The following IL1RAPL1 variants were observed in gnomAD, a reference collection of about 807,000 sequenced individuals.
IL1RAPL1 encodes interleukin 1 receptor accessory protein like 1, also known as interleukin-1 receptor accessory protein-like 1.
IL1RAPL1 carries 3 observed loss-of-function variants against 48.4 expected under a neutral mutation model. That is an observed-to-expected ratio of 0.06 (90% CI 0.03 to 0.16). IL1RAPL1 has a LOEUF of 0.16. Ranked by LOEUF, IL1RAPL1 falls within the 10% of genes least tolerant of loss-of-function variation. The pLI, the probability that IL1RAPL1 is intolerant of heterozygous loss-of-function variation, is 1.00. For missense variants in IL1RAPL1, 349 were observed against 530.6 expected (o/e 0.66, Z 3.36); for synonymous variants, 185 against 187.7 (o/e 0.99, Z 0.12).
intron 6 of IL1RAPL1, among the ~76,000 whole-genome samples, chrX:29,789,884 C>T (rs972391488): frequency 5.6e-5 from 6 of 107,836 alleles, no homozygotes; most frequent in African/African-American, 2.0e-4. Context: ...AGCATTTGAG[C>T]TTCTCAGATC....
intron 2 of IL1RAPL1, among the ~76,000 whole-genome samples, chrX:28,861,309 G>T (rs1337602385): frequency 2.7e-5 from 3 of 111,994 alleles, no homozygotes; most frequent in Non-Finnish European, 3.8e-5. Flanking sequence ...AGGGCAGGAA[G>T]CCTATTTAGT....
At chrX:29,790,126 CCTTT>C (rs1422503603) in intron 6 of IL1RAPL1, among the ~76,000 whole-genome samples, 2 of 111,044 alleles carry the variant, frequency 1.8e-5, no homozygotes, top group Non-Finnish European at 3.8e-5. Context: ...TTACTCGGTG[CCTTT>C]CTGTTTCTTT....
At chrX:29,545,559 T>G (rs1041506456) in intron 5 of IL1RAPL1, among the ~76,000 whole-genome samples, 32 of 111,813 alleles carry the variant, frequency 2.9e-4, no homozygotes, top group African/African-American at 9.8e-4. Context: ...GTTTTATATA[T>G]TTTGAACTTC....
chrX:28,876,961 G>C (rs952367259), intron 2 of IL1RAPL1, among the ~76,000 whole-genome samples: 20 of 111,939 alleles, frequency 1.8e-4, no homozygotes, highest in Non-Finnish European at 3.4e-4. Context: ...TCATATTTAA[G>C]GCAAGAGAAA....
chrX:29,579,631 C>T (rs766555279), intron 5 of IL1RAPL1, among the ~76,000 whole-genome samples: 38 of 111,900 alleles, frequency 3.4e-4, no homozygotes, highest in Admixed American at 6.6e-4. Flanking sequence ...ATGACCAATT[C>T]GATTTTTCTA....
At chrX:28,889,703 T>C (rs910224099) in intron 2 of IL1RAPL1, among the ~76,000 whole-genome samples, 2 of 111,529 alleles carry the variant, frequency 1.8e-5, no homozygotes, top group African/African-American at 6.5e-5. Context: ...TTGGCTTCAG[T>C]TTCTCCTACC....
intron 2 of IL1RAPL1, among the ~76,000 whole-genome samples, chrX:28,939,079 TTAG>T (rs750680963): frequency 1.1e-4 from 12 of 109,928 alleles, no homozygotes; most frequent in Admixed American, 2.9e-4. Context: ...TTACACACTG[TTAG>T]TAGGAATATA....
intron 2 of IL1RAPL1, among the ~76,000 whole-genome samples, chrX:28,820,746 T>C (rs1194035715): frequency 1.8e-5 from 2 of 111,110 alleles, no homozygotes; most frequent in Admixed American, 9.6e-5. Context: ...TGGCTATATG[T>C]GCACCAAAGT....
At chrX:29,007,304 T>C (rs1375055565) in intron 2 of IL1RAPL1, among the ~76,000 whole-genome samples, 1 of 111,959 alleles carries the variant, frequency 8.9e-6, no homozygotes, top group Admixed American at 9.5e-5. Flanking sequence ...TGAAAACTTA[T>C]AGGAGGTATG....
At chrX:29,098,351 G>A (rs1928260718) in intron 2 of IL1RAPL1, among the ~76,000 whole-genome samples, 1 of 111,237 alleles carries the variant, frequency 9.0e-6, no homozygotes, top group Admixed American at 9.6e-5. Flanking sequence ...TGTTGTTGTT[G>A]TTATTGCTGT....
chrX:28,954,187 G>A (rs1353594293), intron 2 of IL1RAPL1, among the ~76,000 whole-genome samples: 1 of 110,771 alleles, frequency 9.0e-6, no homozygotes, highest in African/African-American at 3.3e-5. Context: ...TTCAAAATGA[G>A]TTTTAAAATA....
At chrX:28,589,027 G>A (rs1933879852) in intron 1 of IL1RAPL1, among the ~76,000 whole-genome samples, 1 of 111,801 alleles carries the variant, frequency 8.9e-6, no homozygotes, top group South Asian at 3.7e-4. Flanking sequence ...CACTAAGGAT[G>A]TTTAAGCATA....
intron 3 of IL1RAPL1, among the ~76,000 whole-genome samples, chrX:29,346,972 G>C (rs1447962240): frequency 2.7e-5 from 3 of 111,923 alleles, no homozygotes; most frequent in Non-Finnish European, 5.6e-5. Flanking sequence ...CACTGTACCA[G>C]ATTTTACAGA....
At chrX:29,936,505 C>CTA (rs1430329716) in intron 8 of IL1RAPL1, among the ~76,000 whole-genome samples, 1 of 91,756 alleles carries the variant, frequency 1.1e-5, no homozygotes, top group African/African-American at 4.3e-5. Flanking sequence ...TGGCAAAATT[C>CTA]TATATATATA....
rs144017112 is a variant in IL1RAPL1 at position 29,191,991 on chromosome X, C to G, written c.83-90947C>G. 3.1e-3 allele frequency among the ~76,000 whole-genome samples: 349 copies of G among 111,831 alleles called. 2 individuals carry two copies. The highest frequency in any genetic ancestry group is 4.6e-3 in the Non-Finnish European group (243 of 53,169). On this transcript the variant is annotated intron_variant, in intron 2 of 10. Coordinates refer to ENST00000378993, the MANE Select transcript of IL1RAPL1 (RefSeq NM_014271.4). ...TTTGAGACCAACTCCAATGCAAGAG[C>G]AAACTCTCCTTTGCTATGGAACTCC...
At chrX:29,784,063 T>C (rs1009022474) in intron 6 of IL1RAPL1, among the ~76,000 whole-genome samples, 2 of 112,143 alleles carry the variant, frequency 1.8e-5, no homozygotes, top group African/African-American at 3.2e-5. Context: ...TTTTAAACGT[T>C]GGCTGAGGCC....
chrX:28,719,535 A>T (rs1301977018), intron 1 of IL1RAPL1, among the ~76,000 whole-genome samples: 3 of 109,974 alleles, frequency 2.7e-5, no homozygotes, highest in African/African-American at 9.9e-5. Context: ...GTTTTTTTTT[A>T]AATGTAAGCT....
intron 5 of IL1RAPL1, among the ~76,000 whole-genome samples, chrX:29,592,976 G>A (rs1326570421): frequency 8.9e-6 from 1 of 112,255 alleles, no homozygotes; most frequent in Non-Finnish European, 1.9e-5. Flanking sequence ...CCTCTTTCAA[G>A]GTCTCTGGAG....
Position 29,009,883 on chromosome X carries a change from A to G in IL1RAPL1, c.82+220458A>G, listed in dbSNP as rs187384088. On this transcript the variant is annotated intron_variant, in intron 2 of 10. Transcript: ENST00000378993. ...TTAACAATATTGATTCTTCCAATCC[A>G]TGAGTATGGGATGTTTTTCCATTTG... 3.3e-3 allele frequency among the ~76,000 whole-genome samples: 372 copies of G among 112,160 alleles called. 2 individuals are homozygous for G. Among genetic ancestry groups the G allele is most frequent in the African/African-American group, 0.012 (356 of 30,897 alleles).
Sources: gnomAD v4.1 joint callset for allele counts (sites outside exome capture counted in the v4.1 genomes callset) on GRCh38, gnomAD v4.1.1 for gene constraint, MANE v1.5 for transcripts, NCBI Gene and HGNC (gene_info 2026-07-23, HGNC 2026-07-21) for gene names.